Variants in FSTL5 observed in about 807,000 individuals in gnomAD.
FSTL5 encodes the protein follistatin like 5, also known as follistatin-related protein 5.
FSTL5 carries 62 observed loss-of-function variants against 89.1 expected under a neutral mutation model. That is an observed-to-expected ratio of 0.70 (90% CI 0.57 to 0.86). FSTL5 has a LOEUF of 0.86. Ranked by LOEUF, FSTL5 falls within the 40% of genes least tolerant of loss-of-function variation. The pLI is 0.00. For missense variants in FSTL5, 1,057 were observed against 1,001.6 expected (o/e 1.06, Z -0.75); for synonymous variants, 383 against 346.2 (o/e 1.11, Z -1.18).
intron 6 of FSTL5, among the ~76,000 whole-genome samples, chr4:161,727,907 CA>C (rs1209749848): frequency 6.6e-6 from 1 of 152,110 alleles, no homozygotes; most frequent in African/African-American, 2.4e-5. Flanking sequence ...TGGATTCAAA[CA>C]AAACATGGAG....
At chr4:161,685,636 T>G (rs1425233589) in intron 6 of FSTL5, among the ~76,000 whole-genome samples, 1 of 152,232 alleles carries the variant, frequency 6.6e-6, no homozygotes, top group African/African-American at 2.4e-5. Context: ...GGCTGAATTC[T>G]TTTGTCAGTT....
intron 3 of FSTL5, among the ~76,000 whole-genome samples, chr4:161,983,271 T>C (rs1735875677): frequency 2.0e-5 from 3 of 152,174 alleles, no homozygotes; most frequent in Non-Finnish European, 4.4e-5. Context: ...CCGTCTTTTA[T>C]GACTTCCACT....
chr4:161,572,395 CT>C (rs1733051162), intron 8 of FSTL5, among the ~76,000 whole-genome samples: 2 of 150,922 alleles, frequency 1.3e-5, no homozygotes, highest in African/African-American at 4.9e-5. Context: ...ATTATGACCC[CT>C]GACAAGTGGC....
intron 13 of FSTL5, among the ~76,000 whole-genome samples, chr4:161,463,825 C>T (rs1047177341): frequency 6.6e-6 from 1 of 152,148 alleles, no homozygotes; most frequent in Non-Finnish European, 1.5e-5. Context: ...CCGTCTTCCT[C>T]CCATACTTCA....
intron 8 of FSTL5, among the ~76,000 whole-genome samples, chr4:161,547,200 C>T: frequency 6.6e-6 from 1 of 151,976 alleles, no homozygotes; most frequent in East Asian, 1.9e-4. Context: ...ATGCCAGCCG[C>T]AATCAAGCTT....
At chr4:162,062,794 A>G (rs998794295) in intron 2 of FSTL5, among the ~76,000 whole-genome samples, 7 of 151,406 alleles carry the variant, frequency 4.6e-5, no homozygotes, top group Admixed American at 2.0e-4. Flanking sequence ...TTTTTTCATT[A>G]TATTTTATTA....
intron 8 of FSTL5, among the ~76,000 whole-genome samples, chr4:161,554,596 A>C (rs1427500328): frequency 6.6e-6 from 1 of 151,664 alleles, no homozygotes. Context: ...GAAAACAAAA[A>C]TGAATTTAAG....
At chr4:161,929,681 G>GTGTGTGTGTATA (rs1553983442) in intron 3 of FSTL5, among the ~76,000 whole-genome samples, 9 of 115,526 alleles carry the variant, frequency 7.8e-5, no homozygotes, top group African/African-American at 2.9e-4. Context: ...GTGTGTGTGT[G>GTGTGTGTGTATA]TGTGTGTGTG....
At chr4:161,867,674 G>T (rs1732135415) in intron 4 of FSTL5, among the ~76,000 whole-genome samples, 1 of 151,394 alleles carries the variant, frequency 6.6e-6, no homozygotes, top group Admixed American at 6.6e-5. Flanking sequence ...ATCTAAGAGA[G>T]GCATTAGATA....
chr4:161,779,771 ATATG>A (rs1212204377), intron 4 of FSTL5, among the ~76,000 whole-genome samples: 1,072 of 18,898 alleles, frequency 0.057, 80 homozygotes, highest in Non-Finnish European at 0.1. Context: ...ATATATATAT[ATATG>A]TATATATATA....
chr4:161,433,723 A>T (rs946710549), intron 15 of FSTL5, among the ~76,000 whole-genome samples: 1 of 152,300 alleles, frequency 6.6e-6, no homozygotes, highest in Non-Finnish European at 1.5e-5. Flanking sequence ...CAGGATAAAA[A>T]AGTCAACATA....
At chr4:161,720,204 CA>C (rs34684242) in intron 6 of FSTL5, among the ~76,000 whole-genome samples, 16,684 of 141,992 alleles carry the variant, frequency 0.12, 912 homozygotes, top group Middle Eastern at 0.17. Flanking sequence ...AACACAATAG[CA>C]AAAAAAAAAA....
At chr4:161,670,781 C>G (rs1737073076) in intron 6 of FSTL5, among the ~76,000 whole-genome samples, 1 of 152,172 alleles carries the variant, frequency 6.6e-6, no homozygotes, top group African/African-American at 2.4e-5. Flanking sequence ...GGTCCAAAGA[C>G]TGGGCCTTAA....
intron 7 of FSTL5, among the ~76,000 whole-genome samples, chr4:161,644,076 G>A (rs1050967864): frequency 8.6e-5 from 13 of 151,762 alleles, no homozygotes; most frequent in Admixed American, 6.6e-4. Flanking sequence ...GATGTAACAA[G>A]TACTTTAGTT....
intron 2 of FSTL5, among the ~76,000 whole-genome samples, chr4:162,060,794 A>T (rs79561091): frequency 0.031 from 4,741 of 152,168 alleles, 112 homozygotes; most frequent in Middle Eastern, 0.094. Context: ...AAATTTATTT[A>T]AAAATATTTT....
At chr4:161,913,525 C>A (rs940560171) in intron 4 of FSTL5, among the ~76,000 whole-genome samples, 1 of 152,176 alleles carries the variant, frequency 6.6e-6, no homozygotes, top group Non-Finnish European at 1.5e-5. Flanking sequence ...GTTTGGGAAC[C>A]TCCACCTAGA....
chr4:161,978,561 T>C (rs753729117), intron 3 of FSTL5, among the ~76,000 whole-genome samples: 4 of 152,132 alleles, frequency 2.6e-5, no homozygotes, highest in Non-Finnish European at 5.9e-5. Flanking sequence ...TCATGAACTT[T>C]ACCCTTAAAT....
chr4:161,822,382 G>A (rs900761593), intron 4 of FSTL5, among the ~76,000 whole-genome samples: 3 of 152,208 alleles, frequency 2.0e-5, no homozygotes, highest in African/African-American at 4.8e-5. Context: ...CAGGTGCAGA[G>A]TGATGAGAGG....
chr4:161,528,409 A>C (rs977311069), intron 10 of FSTL5, among the ~76,000 whole-genome samples: 2 of 143,802 alleles, frequency 1.4e-5, no homozygotes, highest in African/African-American at 5.0e-5. Flanking sequence ...GAGGAAGAAC[A>C]ATAATCAAAC....
Sources: gnomAD v4.1 joint callset for allele counts (sites outside exome capture counted in the v4.1 genomes callset) on GRCh38, gnomAD v4.1.1 for gene constraint, MANE v1.5 for transcripts, NCBI Gene and HGNC (gene_info 2026-07-23, HGNC 2026-07-21) for gene names.